KIF9: variants seen among roughly 807,000 people sequenced by gnomAD.
KIF9 encodes the protein kinesin-like protein KIF9.
In KIF9, 68 loss-of-function variants were observed where a neutral mutation model predicts 94.8. The ratio of observed to expected loss-of-function variants is 0.72; its 90% CI spans 0.59 to 0.88. KIF9 has a LOEUF of 0.88. Among genes scored for constraint, KIF9 ranks in the 40% least tolerant of loss-of-function variants. The pLI is 0.00. For synonymous variants in KIF9, 343 were observed against 362.1 expected (o/e 0.95, Z 0.60); for missense variants, 882 against 982.5 (o/e 0.90, Z 1.37).
chr3:47,236,185 C>G, intron 18 of KIF9, 36 bp from the exon 19 acceptor site: 2 of 1,466,718 alleles, frequency 1.4e-6, no homozygotes, highest in Non-Finnish European at 1.9e-6. Context: ...TTGAGGAAGC[C>G]GGTAAGGGCT....
Position 47,245,406 on chromosome 3 carries a change from A to G in KIF9, c.1380+15T>C. ...TCTGAGGTGAGTGCTGTCGGCAAGT[A>G]GCAACTATGCTTACCTTCTGGATAG... On this transcript the variant is annotated intron_variant, in intron 14 of 20. Transcript: ENST00000684063. 1 of 1,604,306 alleles carries G rather than the reference A, an allele frequency of 6.2e-7. No homozygotes were observed. The highest frequency in any genetic ancestry group is 1.7e-5 in the Admixed American group (1 of 60,006).
At position 47,241,027 on chromosome 3, in the gene KIF9, A is replaced by G. The variant is rs1381643890; in HGVS notation, c.1710-12T>C. The G allele has an allele frequency of 6.2e-7, 1 of 1,612,552 alleles. No individual in the cohort carries two copies. The highest frequency in any genetic ancestry group is 2.2e-5 in the East Asian group (1 of 44,870). On this transcript the variant is annotated splice_polypyrimidine_tract_variant and intron_variant, in intron 16 of 20. Transcript: ENST00000684063. ...GTGGGGTGTCGGGCCTTGAGATGAA[A>G]AGGTGAGACCAAAGAGGATAAATGA...
intron 1 of KIF9, 102 bp from the exon 2 acceptor site, chr3:47,277,481 T>C: frequency 1.3e-6 from 1 of 774,580 alleles, no homozygotes; most frequent in East Asian, 2.7e-5. Context: ...TGACGAGCAG[T>C]CCATTTTTCC....
intron 16 of KIF9, among the ~76,000 whole-genome samples, chr3:47,242,741 T>C (rs994437343): frequency 3.3e-5 from 5 of 152,216 alleles, no homozygotes; most frequent in Non-Finnish European, 5.9e-5. Context: ...TTATATTCTT[T>C]CATACTTTAA....
Position 47,243,120 on chromosome 3 carries a change from C to T in KIF9, c.1640G>A (p.Arg547Gln), listed in dbSNP as rs753303034. Residue 547 changes from arginine to glutamine, a missense_variant, in exon 16 of 21, where the codon CGG (arginine) becomes CAG (glutamine). Arg to Gln is a conservative substitution (Grantham distance 43). Coordinates refer to ENST00000684063, the MANE Select transcript of KIF9 (RefSeq NM_182902.4). ...KDGDVKDMLSRDRETSSIEPL... is the reference protein window; with the variant it reads ...KDGDVKDMLSQDRETSSIEPL... ...CTCAATGCTGGAAGTTTCCCGGTCCCGCGAAAGCATGTCTTTGACATCCCC... is the reference window on the plus strand; with the variant it reads ...CTCAATGCTGGAAGTTTCCCGGTCCTGCGAAAGCATGTCTTTGACATCCCC... 27 of 1,613,660 alleles carry T rather than the reference C, an allele frequency of 1.7e-5. No individual in the cohort carries two copies. The East Asian group carries it at 2.0e-4, about 12-fold the overall frequency.
At chr3:47,230,484 G>A (rs1017195449) in intron 20 of KIF9, among the ~76,000 whole-genome samples, 1 of 152,216 alleles carries the variant, frequency 6.6e-6, no homozygotes, top group Non-Finnish European at 1.5e-5. Context: ...TGTAATCCCA[G>A]CACTTTGGGA....
chr3:47,257,371 T>C, intron 10 of KIF9, 112 bp downstream of exon 10: 1 of 909,080 alleles, frequency 1.1e-6, no homozygotes, highest in Non-Finnish European at 1.8e-6. Flanking sequence ...GACCCAGGGC[T>C]GCATGGGGAT....
intron 18 of KIF9, 120 bp downstream of exon 18, chr3:47,236,323 C>G: frequency 5.0e-6 from 6 of 1,201,766 alleles, no homozygotes; most frequent in Non-Finnish European, 7.1e-6. Flanking sequence ...TCTCAAGCCC[C>G]TGCCCAGCCC....
intron 8 of KIF9, among the ~76,000 whole-genome samples, chr3:47,265,375 G>A (rs923195160): frequency 6.6e-6 from 1 of 152,152 alleles, no homozygotes; most frequent in Non-Finnish European, 1.5e-5. Context: ...CCGCTGCTCT[G>A]TACAGGAGGC....
Position 47,243,190 on chromosome 3 carries a change from AATCCAAGTCCTTCCC to A in KIF9, c.1555_1569del (p.Gly519_Asp523del). 6.2e-7 allele frequency: 1 copy of A among 1,613,680 alleles called. No homozygotes were observed. Among genetic ancestry groups the A allele is most frequent in the Non-Finnish European group, 8.5e-7 (1 of 1,179,724 alleles). ...AGCTGGGTCTTGGAGGTGGAAACGT[AATCCAAGTCCTTCCC>A]ATTCACAGGGCTGCTGGCACCTTCC... On this transcript the variant is annotated inframe_deletion, in exon 16 of 21. Coordinates refer to ENST00000684063, the MANE Select transcript of KIF9 (RefSeq NM_182902.4).
At position 47,271,455 on chromosome 3, in the gene KIF9, T is replaced by C; in HGVS notation, c.373A>G (p.Arg125Gly). 6.2e-7 allele frequency: 1 copy of C among 1,613,764 alleles called. No homozygotes were observed. The highest frequency in any genetic ancestry group is 1.1e-5 in the South Asian group (1 of 91,054). The change falls in exon 5 of 21, where the codon AGG (arginine) becomes GGG (glycine). Residue 125 changes from arginine (R) to glycine (G), a missense_variant. Arg to Gly is a moderately radical substitution (Grantham distance 125). Transcript: ENST00000684063. Reference protein sequence around the residue: ...ILPRALQQVFRMIEERPTHAI... With the variant: ...ILPRALQQVFGMIEERPTHAI... The stretch of plus-strand genomic sequence containing the variant: ...TGTGTGGGGCGTTCTTCGATCATCC[T>C]AAAAACCTAGATGACAGATTGTACA...
chr3:47,258,906 C>G (rs904508565), intron 9 of KIF9, among the ~76,000 whole-genome samples: 3 of 152,146 alleles, frequency 2.0e-5, no homozygotes, highest in African/African-American at 7.2e-5. Flanking sequence ...TTTACACTTG[C>G]ATTATATGTC....
intron 10 of KIF9, among the ~76,000 whole-genome samples, chr3:47,255,883 C>A (rs1700544885): frequency 6.6e-6 from 1 of 152,214 alleles, no homozygotes; most frequent in African/African-American, 2.4e-5. Context: ...CCTCAGCCTG[C>A]CGAGTGCCTG....
At chr3:47,239,451 T>C in intron 17 of KIF9, 1 of 565,364 alleles carries the variant, frequency 1.8e-6, no homozygotes, top group Non-Finnish European at 2.3e-6. Context: ...CCACCATCAC[T>C]GGCCTTCTCC....
intron 9 of KIF9, among the ~76,000 whole-genome samples, chr3:47,260,586 G>C (rs779643114): frequency 6.6e-6 from 1 of 152,142 alleles, no homozygotes. Context: ...TAGAAGTGTG[G>C]TTGCTCATTT....
intron 9 of KIF9, among the ~76,000 whole-genome samples, chr3:47,260,399 T>C (rs949192585): frequency 6.6e-6 from 1 of 152,056 alleles, no homozygotes; most frequent in Admixed American, 6.5e-5. Flanking sequence ...GGTCCCCTTA[T>C]TTCTTTCTCT....
Position 47,264,351 on chromosome 3 carries a change from C to G in KIF9, c.917-1G>C. 6.2e-7 allele frequency: 1 copy of G among 1,613,228 alleles called. No individual in the cohort carries two copies. The highest frequency in any genetic ancestry group is 1.3e-5 in the African/African-American group (1 of 75,022). On this transcript the variant is annotated splice_acceptor_variant, in intron 8 of 20. Transcript: ENST00000684063. LOFTEE classifies it high-confidence loss of function. ...ACGAGGACCATATTGCAGTTTCCCC[C>G]TGCGGAAAGCAAGACACAGAAGGGC... is the stretch of plus-strand genomic sequence containing the variant.
Position 47,277,096 on chromosome 3 carries a change from G to A in KIF9, c.93+186C>T, listed in dbSNP as rs1576094124. The A allele has an allele frequency of 7.3e-6, 3 of 410,682 alleles. No homozygotes were observed. In the East Asian group the frequency reaches 1.1e-4, roughly 15 times the overall value. The allele number at this position is 410,682 out of a possible 1,614,324, so 25.4% of individuals were successfully genotyped here. A position where few individuals can be genotyped will look rare whatever the true frequency, so the allele number is the denominator to read the frequency against. Reference sequence around the variant, plus strand: ...AAATTATTAAAAGACAATTAACGATGGGATTTTATTAATTTCTTCATTAGC... The same window carrying A: ...AAATTATTAAAAGACAATTAACGATAGGATTTTATTAATTTCTTCATTAGC... On this transcript the variant is annotated intron_variant, in intron 2 of 20. Coordinates refer to ENST00000684063, the MANE Select transcript of KIF9 (RefSeq NM_182902.4).
intron 6 of KIF9, 23 bp from the exon 7 acceptor site, chr3:47,267,091 T>C: frequency 1.4e-5 from 23 of 1,609,924 alleles, no homozygotes; most frequent in Non-Finnish European, 2.0e-5. Flanking sequence ...CAAGCAGAAG[T>C]TAGACTGTCA....
Sources: gnomAD v4.1 joint callset for allele counts (sites outside exome capture counted in the v4.1 genomes callset) on GRCh38, gnomAD v4.1.1 for gene constraint, MANE v1.5 for transcripts, NCBI Gene and HGNC (gene_info 2026-07-23, HGNC 2026-07-21) for gene names.